CASP8: variants seen among roughly 807,000 people sequenced by gnomAD.
CASP8 encodes the protein caspase-8.
Under a neutral mutation model 46.3 loss-of-function variants are expected in CASP8, and 24 were observed. The observed-to-expected ratio is 0.52, with a 90% CI of 0.38 to 0.73. The LOEUF (loss-of-function observed/expected upper bound fraction) is 0.73. Among genes scored for constraint, CASP8 ranks in the 30% least tolerant of loss-of-function variants. The pLI is 0.00. For missense variants in CASP8, 460 were observed against 559.0 expected (o/e 0.82, Z 1.79); for synonymous variants, 188 against 200.4 (o/e 0.94, Z 0.52).
At chr2:201,281,903 G>C (rs1457578893) in intron 7 of CASP8, 1 of 1,476,130 alleles carries the variant, frequency 6.8e-7, no homozygotes, top group Non-Finnish European at 9.0e-7. Flanking sequence ...GAATATAGAG[G>C]GTTTTGCTCT....
intron 2 of CASP8, among the ~76,000 whole-genome samples, chr2:201,248,160 C>T (rs1481212067): frequency 1.3e-5 from 2 of 152,124 alleles, no homozygotes; most frequent in East Asian, 1.9e-4. Context: ...TTAAATCTCT[C>T]GCTTTTTCTA....
intron 5 of CASP8, among the ~76,000 whole-genome samples, chr2:201,274,540 TCTC>T (rs1948500241): frequency 6.6e-6 from 1 of 152,212 alleles, no homozygotes; most frequent in South Asian, 2.1e-4. Context: ...AGTAGTGCGA[TCTC>T]AGCTCACTGC....
intron 7 of CASP8, 137 bp downstream of exon 7, chr2:201,277,105 G>A (rs1948684985): frequency 2.9e-6 from 2 of 681,282 alleles, no homozygotes; most frequent in Non-Finnish European, 5.2e-6. Context: ...CCCTGTGGAG[G>A]TAAAGAACAT....
intron 2 of CASP8, among the ~76,000 whole-genome samples, chr2:201,245,868 T>TTTC (rs1412827412): frequency 4.7e-5 from 7 of 147,744 alleles, no homozygotes; most frequent in Non-Finnish European, 1.0e-4. Flanking sequence ...TTTGTTCTTT[T>TTTC]TTTTTTTTTT....
At chr2:201,249,645 AGC>A (rs1946689046) in intron 2 of CASP8, among the ~76,000 whole-genome samples, 1 of 152,208 alleles carries the variant, frequency 6.6e-6, no homozygotes, top group East Asian at 1.9e-4. Context: ...GGATCGCTTG[AGC>A]GCGGGAGGCG....
intron 2 of CASP8, among the ~76,000 whole-genome samples, chr2:201,238,142 A>C (rs574711280): frequency 6.6e-6 from 1 of 152,306 alleles, no homozygotes; most frequent in African/African-American, 2.4e-5. Context: ...TGGGGGTAAC[A>C]AATAACAAGG....
chr2:201,281,832 G>C, intron 7 of CASP8: 1 of 1,453,434 alleles, frequency 6.9e-7, no homozygotes, highest in Non-Finnish European at 9.1e-7. Context: ...ATTTGCTTCA[G>C]GGTTTGAGAA....
chr2:201,283,182 CCCT>C (rs1458111668), intron 7 of CASP8, among the ~76,000 whole-genome samples: 5 of 74,720 alleles, frequency 6.7e-5, no homozygotes, highest in African/African-American at 2.2e-4. Context: ...GCAGAGGCGC[CCCT>C]CACCTCCTGG....
At chr2:201,247,676 G>A (rs367561220) in intron 2 of CASP8, among the ~76,000 whole-genome samples, 3 of 150,444 alleles carry the variant, frequency 2.0e-5, no homozygotes, top group East Asian at 2.0e-4. Flanking sequence ...ATGGAGTCTC[G>A]CTCTGTTGCC....
chr2:201,274,813 A>G, intron 5 of CASP8, 76 bp from the exon 6 acceptor site: 1 of 1,109,630 alleles, frequency 9.0e-7, no homozygotes, highest in South Asian at 1.3e-5. Flanking sequence ...ATGTTGTCCT[A>G]TGTGCTACAT....
chr2:201,266,587 A>C lies in CASP8; in HGVS notation c.101A>C (p.Lys34Thr). The change falls in exon 2 of 9, where the codon AAG (lysine) becomes ACG (threonine). Residue 34 changes from lysine to threonine, a missense_variant. Coordinates refer to ENST00000673742, the MANE Select transcript of CASP8 (RefSeq NM_001372051.1). The surrounding 1 kb of genome is among the most constrained non-coding windows in gnomAD (Gnocchi z 5.7). ...FLSLDYIPQR[K>T]QEPIKDALML... ...AGCCTGGACTACATTCCGCAAAGGA[A>C]GCAAGAACCCATCAAGGATGCCTTG... is the stretch of plus-strand genomic sequence containing the variant. 6.2e-7 allele frequency: 1 copy of C among 1,614,256 alleles called. No individual in the cohort carries two copies. Among genetic ancestry groups the C allele is most frequent in the African/African-American group, 1.3e-5 (1 of 75,076 alleles).
intron 2 of CASP8, among the ~76,000 whole-genome samples, chr2:201,270,933 A>G (rs1221665356): frequency 6.6e-6 from 1 of 152,142 alleles, no homozygotes; most frequent in Non-Finnish European, 1.5e-5. Flanking sequence ...CTGATTGTTC[A>G]TGGATGGGCC....
At chr2:201,234,691 C>T (rs1474440220) in intron 2 of CASP8, among the ~76,000 whole-genome samples, 1 of 151,800 alleles carries the variant, frequency 6.6e-6, no homozygotes, top group African/African-American at 2.4e-5. Flanking sequence ...ACTTCTGGCC[C>T]CAAGTGATCT....
rs541788242 is a variant in CASP8 at position 201,266,849 on chromosome 2, A to C, written c.305+58A>C. Reference sequence around the variant, plus strand: ...GTGTGGGTTGAATGGACAGCCTCTGAGCTGATTGGGGCTTTTTTTTGTGGT... The same window carrying C: ...GTGTGGGTTGAATGGACAGCCTCTGCGCTGATTGGGGCTTTTTTTTGTGGT... On this transcript the variant is annotated intron_variant, in intron 2 of 8. Coordinates refer to ENST00000673742, the MANE Select transcript of CASP8 (RefSeq NM_001372051.1). The surrounding 1 kb of genome is among the most constrained non-coding windows in gnomAD (Gnocchi z 5.7). The C allele has an allele frequency of 2.2e-5, 30 of 1,376,138 alleles. No individual in the cohort carries two copies. In the South Asian group the frequency reaches 3.3e-4, roughly 15 times the overall value. The allele number at this position is 1,376,138 out of a possible 1,614,324, so 85.2% of individuals were successfully genotyped here.
intron 2 of CASP8, among the ~76,000 whole-genome samples, chr2:201,236,358 T>C (rs1355094738): frequency 6.6e-6 from 1 of 152,184 alleles, no homozygotes; most frequent in African/African-American, 2.4e-5. Flanking sequence ...AGTTGTGTTA[T>C]TTCATTTCCA....
upstream of CASP8, chr2:201,260,532 C>T (rs1157708573): frequency 1.0e-6 from 1 of 985,290 alleles, no homozygotes; most frequent in East Asian, 1.1e-4. Flanking sequence ...TTCCGTCCTT[C>T]ATTAGACGTT....
chr2:201,241,127 A>G (rs1346056507), intron 2 of CASP8: 1 of 152,166 alleles, frequency 6.6e-6, no homozygotes, highest in African/African-American at 2.4e-5. Context: ...CCTCAAGGAG[A>G]GGAGAAGAAG....
At chr2:201,248,245 G>A (rs2124972577) in intron 2 of CASP8, among the ~76,000 whole-genome samples, 1 of 152,282 alleles carries the variant, frequency 6.6e-6, no homozygotes. Context: ...AAAATCCTGA[G>A]GAACCACGAC....
In CASP8 at chr2:201,239,764, C is replaced by T. The variant is rs531286036; in HGVS notation, c.-27+5652C>T. Reference sequence around the variant, plus strand: ...TCACGGGTGGCGGGCAATCCTTACCCGGATCCTCCCACAGCTTGCTCTCTG... The same window carrying T: ...TCACGGGTGGCGGGCAATCCTTACCTGGATCCTCCCACAGCTTGCTCTCTG... On this transcript the variant is annotated intron_variant, in intron 2 of 6. Transcript: ENST00000264274. Among the ~76,000 whole-genome samples the T allele has an allele frequency of 8.5e-5, 13 of 152,260 alleles. No individual in the cohort carries two copies. The East Asian group carries it at 1.4e-3, about 16-fold the overall frequency.
Sources: allele counts gnomAD v4.1 joint callset (sites outside exome capture counted in the v4.1 genomes callset), GRCh38; gene constraint gnomAD v4.1.1; non-coding constraint Gnocchi (gnomAD v3.1); transcripts MANE v1.5; gene names NCBI Gene and HGNC (gene_info 2026-07-23, HGNC 2026-07-21).